The following ACP6 variants were observed in gnomAD, a reference collection of about 807,000 sequenced individuals.
ACP6 encodes the protein acid phosphatase 6, lysophosphatidic, also known as lysophosphatidic acid phosphatase type 6.
ACP6 carries 48 observed loss-of-function variants against 48.1 expected under a neutral mutation model. The observed-to-expected ratio is 1.00, with a 90% CI of 0.79 to 1.27. The LOEUF (loss-of-function observed/expected upper bound fraction) is 1.27. Ranked by LOEUF, ACP6 falls within the 50% of genes most tolerant of loss-of-function variation. The pLI, the probability that ACP6 is intolerant of heterozygous loss-of-function variation, is 0.00. For synonymous variants in ACP6, 172 were observed against 204.2 expected, an observed-to-expected ratio of 0.84 and a Z score of 1.34; for missense variants, 485 against 529.1, an observed-to-expected ratio of 0.92 and a Z score of 0.82.
chr1:147,666,115 T>C (rs1660786117), intron 1 of ACP6, among the ~76,000 whole-genome samples: 1 of 152,202 alleles, frequency 6.6e-6, no homozygotes, highest in Admixed American at 6.5e-5. Flanking sequence ...TTACTTACTA[T>C]AGGTGGGCCA....
chr1:147,665,833 A>G (rs1412934565), intron 1 of ACP6, among the ~76,000 whole-genome samples: 5 of 152,214 alleles, frequency 3.3e-5, no homozygotes, highest in African/African-American at 1.2e-4. Flanking sequence ...ATGATACATC[A>G]GTTTCATATA....
At position 147,658,876 on chromosome 1, in the gene ACP6, G is replaced by A; in HGVS notation, c.559+84C>T. ...CAGGAGAAAAAAAGTCAAGGGAACA[G>A]GCACCAAGAAAGAGATAGGGGCTTC... is the stretch of plus-strand genomic sequence containing the variant. On this transcript the variant is annotated intron_variant, in intron 4 of 9. Coordinates refer to ENST00000583509, the MANE Select transcript of ACP6 (RefSeq NM_016361.5). The A allele has an allele frequency of 2.3e-6, 3 of 1,311,304 alleles. No homozygotes were observed. In the South Asian group the frequency reaches 4.2e-5, roughly 18 times the overall value. 81.2% of individuals were successfully genotyped at this position (1,311,304 alleles called of 1,614,324 possible). A position where few individuals can be genotyped will look rare whatever the true frequency, so the allele number is the denominator to read the frequency against.
At chr1:147,669,792 C>G (rs1553214288) in intron 1 of ACP6, 38 bp downstream of exon 1, 1 of 1,527,512 alleles carries the variant, frequency 6.5e-7, no homozygotes, top group East Asian at 2.4e-5. Context: ...GGCACACGGT[C>G]CTCGCCCCAC....
intron 9 of ACP6, 59 bp from the exon 10 acceptor site, chr1:147,647,625 A>G: frequency 3.8e-6 from 6 of 1,567,924 alleles, no homozygotes; most frequent in Non-Finnish European, 4.3e-6. Flanking sequence ...TGCTATTTCC[A>G]GCTAAGCCCA....
chr1:147,635,759 TAG>T (rs1659282483), intron 5 of ACP6, among the ~76,000 whole-genome samples: 1 of 152,066 alleles, frequency 6.6e-6, no homozygotes, highest in South Asian at 2.1e-4. Context: ...AGTGAGAGAA[TAG>T]AGAGCCAAGT....
chr1:147,663,140 AAAC>A (rs1553213076), intron 1 of ACP6, among the ~76,000 whole-genome samples: 3 of 152,228 alleles, frequency 2.0e-5, no homozygotes, highest in African/African-American at 7.2e-5. Context: ...GGGAAACAAA[AAAC>A]AACTGTGGGT....
At chr1:147,652,405 G>A (rs782574194) in intron 7 of ACP6, 44 bp downstream of exon 7, 3 of 1,564,900 alleles carry the variant, frequency 1.9e-6, no homozygotes, top group African/African-American at 2.7e-5. Flanking sequence ...ACACTTGGAT[G>A]TCTGACCAAG....
chr1:147,648,199 GCAGGAGGGTGCCTCACCACCACC>G (rs1659725634), intron 9 of ACP6, 24 bp downstream of exon 9: 5 of 1,605,114 alleles, frequency 3.1e-6, no homozygotes, highest in Non-Finnish European at 4.3e-6. Context: ...GGTGGGTTTT[GCAGGAGGGTGCCTCACCACCACC>G]CAACCCCACC....
intron 5 of ACP6, among the ~76,000 whole-genome samples, chr1:147,634,253 G>C (rs1659242708): frequency 6.6e-6 from 1 of 152,138 alleles, no homozygotes; most frequent in African/African-American, 2.4e-5. Flanking sequence ...ATCCTCCATG[G>C]AGAAATGTGT....
intron 1 of ACP6, among the ~76,000 whole-genome samples, chr1:147,666,601 A>C (rs896043773): frequency 2.0e-5 from 3 of 152,206 alleles, no homozygotes; most frequent in South Asian, 2.1e-4. Context: ...ATTATCCCCC[A>C]AAAAAGTGGG....
At chr1:147,640,667 C>T (rs587620477), downstream of ACP6, among the ~76,000 whole-genome samples, 1 of 152,264 alleles carries the variant, frequency 6.6e-6, no homozygotes, top group East Asian at 1.9e-4. Context: ...AGGACTTGAA[C>T]TCAGAGCACA....
At position 147,648,138 on chromosome 1, in the gene ACP6, A is replaced by G. The variant is rs1659721200; in HGVS notation, c.1143+108T>C. 3.0e-6 allele frequency: 4 copies of G among 1,333,284 alleles called. No individual in the cohort carries two copies. In the South Asian group the frequency reaches 5.4e-5, roughly 18 times the overall value. The allele number at this position is 1,333,284 out of a possible 1,614,324, so 82.6% of individuals were successfully genotyped here. On this transcript the variant is annotated intron_variant, in intron 9 of 9. Transcript: ENST00000583509. Reference sequence around the variant, plus strand: ...TAGGATTCAGAGAGCTGACTGTGCCAAGAGAGACTCCACTGGGCCTGAGGA... The same window carrying G: ...TAGGATTCAGAGAGCTGACTGTGCCGAGAGAGACTCCACTGGGCCTGAGGA...
chr1:147,665,920 T>G (rs1284524601), intron 1 of ACP6, among the ~76,000 whole-genome samples: 1 of 152,236 alleles, frequency 6.6e-6, no homozygotes, highest in East Asian at 1.9e-4. Context: ...AAGACTAACT[T>G]GATAATTTTA....
intron 5 of ACP6, 108 bp from the exon 6 acceptor site, chr1:147,654,434 C>A (rs1036995637): frequency 7.8e-7 from 1 of 1,276,686 alleles, no homozygotes; most frequent in Non-Finnish European, 1.1e-6. Flanking sequence ...TCCCCACAAC[C>A]CAATGGGGTT....
chr1:147,660,768 T>G (rs1482071799), intron 1 of ACP6, among the ~76,000 whole-genome samples: 1 of 152,254 alleles, frequency 6.6e-6, no homozygotes, highest in Non-Finnish European at 1.5e-5. Context: ...TATTTTTAAT[T>G]GACAAATAAT....
intron 9 of ACP6, 107 bp downstream of exon 9, chr1:147,648,139 A>C: frequency 7.4e-7 from 1 of 1,345,822 alleles, no homozygotes; most frequent in Non-Finnish European, 1.0e-6. Context: ...GACTGTGCCA[A>C]GAGAGACTCC....
At position 147,646,762 on chromosome 1, in the gene ACP6, C is replaced by G. The variant is rs1230086878; in HGVS notation, c.*661G>C. On this transcript the variant is annotated 3_prime_UTR_variant, in exon 10 of 10. Transcript: ENST00000583509. ...CCACATCAGGGTTCCATCTCACCAC[C>G]CAGCAACGTTCCCTGACCTTGAAGC... is the stretch of plus-strand genomic sequence containing the variant. 3.9e-5 allele frequency: 6 copies of G among 152,422 alleles called. No homozygotes were observed. Among genetic ancestry groups the G allele is most frequent in the African/African-American group, 1.4e-4 (6 of 41,416 alleles). The allele number at this position is 152,422 out of a possible 1,614,324, so 9.4% of individuals were successfully genotyped here. A position where few individuals can be genotyped will look rare whatever the true frequency, so the allele number is the denominator to read the frequency against.
intron 5 of ACP6, among the ~76,000 whole-genome samples, chr1:147,636,296 T>C (rs989325940): frequency 3.3e-5 from 5 of 152,096 alleles, no homozygotes; most frequent in African/African-American, 9.7e-5. Context: ...GAAGTACTAC[T>C]AATTTAAGAC....
intron 1 of ACP6, among the ~76,000 whole-genome samples, chr1:147,668,472 T>A (rs1553214011): frequency 1.3e-5 from 2 of 151,972 alleles, no homozygotes. Flanking sequence ...ATTCAAAGTT[T>A]TACTCTCCAT....
Sources: allele counts gnomAD v4.1 joint callset (sites outside exome capture counted in the v4.1 genomes callset), GRCh38; gene constraint gnomAD v4.1.1; transcripts MANE v1.5; gene names NCBI Gene and HGNC (gene_info 2026-07-23, HGNC 2026-07-21).